Variants in TRIM2 observed in about 807,000 individuals in gnomAD.
The protein encoded by TRIM2 is tripartite motif containing 2.
TRIM2 carries 20 observed loss-of-function variants against 75.2 expected under a neutral mutation model. That is an observed-to-expected ratio of 0.27 (90% CI 0.19 to 0.39). The LOEUF (loss-of-function observed/expected upper bound fraction) is 0.39. Ranked by LOEUF, TRIM2 falls within the 10% of genes least tolerant of loss-of-function variation. The probability of loss-of-function intolerance (pLI) is 1.00; values close to 1 mark genes in which losing one functional copy is unlikely to be tolerated. For missense variants in TRIM2, 660 were observed against 990.8 expected, an observed-to-expected ratio of 0.67 and a Z score of 4.48; for synonymous variants, 373 against 388.3, an observed-to-expected ratio of 0.96 and a Z score of 0.46.
chr4:153,297,064 G>T (rs1356858450), intron 6 of TRIM2, among the ~76,000 whole-genome samples: 1 of 152,188 alleles, frequency 6.6e-6, no homozygotes, highest in Non-Finnish European at 1.5e-5. Context: ...GAGAGGGATA[G>T]ATAACAGGCA....
intron 11 of TRIM2, among the ~76,000 whole-genome samples, chr4:153,331,997 C>A (rs1327336092): frequency 6.6e-6 from 1 of 152,150 alleles, no homozygotes; most frequent in Admixed American, 6.5e-5. Context: ...TCAAAATGGA[C>A]TGTAGATTTA....
intron 1 of TRIM2, among the ~76,000 whole-genome samples, chr4:153,162,235 T>TATATAGATGATATAG (rs1729809476): frequency 6.6e-6 from 1 of 152,222 alleles, no homozygotes; most frequent in South Asian, 2.1e-4. Context: ...TACATATAGA[T>TATATAGATGATATAG]ATATAGATGA....
At chr4:153,241,435 C>A (rs1157663565) in intron 1 of TRIM2, among the ~76,000 whole-genome samples, 1 of 152,120 alleles carries the variant, frequency 6.6e-6, no homozygotes, top group Non-Finnish European at 1.5e-5. Context: ...GGTTTGTGGG[C>A]GAGACACCTC....
chr4:153,336,503 A>G lies in TRIM2; in HGVS notation c.*1537A>G, dbSNP rs1226976481. On this transcript the variant is annotated 3_prime_UTR_variant, in exon 12 of 12. Transcript: ENST00000338700. ...ATCGTTCATCTGTCATTGGTACTGT[A>G]AAATAAGCTGTGGTCTATTTCCACT... 8 of 985,742 alleles carry G rather than the reference A, an allele frequency of 8.1e-6. No homozygotes were observed. The allele number at this position is 985,742 out of a possible 1,614,324, so 61.1% of individuals were successfully genotyped here.
intron 1 of TRIM2, among the ~76,000 whole-genome samples, chr4:153,244,144 G>GTTCTTGTTCTTCTTCTTC (rs1553972523): frequency 7.7e-6 from 1 of 130,092 alleles, no homozygotes; most frequent in Non-Finnish European, 1.6e-5. Context: ...TCTTCTTCTT[G>GTTCTTGTTCTTCTTCTTC]TTCTTCTTGT....
At chr4:153,172,006 T>C (rs969346670) in intron 1 of TRIM2, among the ~76,000 whole-genome samples, 5 of 152,124 alleles carry the variant, frequency 3.3e-5, no homozygotes, top group African/African-American at 1.2e-4. Flanking sequence ...ACCTAGACCA[T>C]ATTCAAATTG....
In TRIM2 at chr4:153,337,006, C is replaced by T; in HGVS notation, c.*2040C>T. ...GAGTACCTACTAGGTACCAAGTACT[C>T]TTTTAGGCACTGGAAATACAGTGAT... On this transcript the variant is annotated 3_prime_UTR_variant, in exon 12 of 12. Transcript: ENST00000338700. 1 of 981,046 alleles carries T rather than the reference C, an allele frequency of 1.0e-6. No homozygotes were observed. The highest frequency in any genetic ancestry group is 1.2e-6 in the Non-Finnish European group (1 of 826,056). 60.8% of individuals were successfully genotyped at this position (981,046 alleles called of 1,614,324 possible).
chr4:153,207,630 T>C (rs553544527), intron 1 of TRIM2, among the ~76,000 whole-genome samples: 1 of 152,284 alleles, frequency 6.6e-6, no homozygotes, highest in South Asian at 2.1e-4. Context: ...CTAAATACCA[T>C]CTAAGTTTAC....
At chr4:153,181,830 T>C (rs1732092739) in intron 1 of TRIM2, among the ~76,000 whole-genome samples, 1 of 151,992 alleles carries the variant, frequency 6.6e-6, no homozygotes, top group African/African-American at 2.4e-5. Flanking sequence ...AGCTCATGTC[T>C]CCCCAGATGA....
upstream of TRIM2, among the ~76,000 whole-genome samples, chr4:153,200,086 C>T (rs550497156): frequency 5.3e-5 from 8 of 151,978 alleles, no homozygotes; most frequent in Non-Finnish European, 1.2e-4. Flanking sequence ...GGATTACAGG[C>T]ACCGCCACCA....
intron 3 of TRIM2, among the ~76,000 whole-genome samples, chr4:153,287,276 G>C (rs1760860668): frequency 6.6e-6 from 1 of 152,020 alleles, no homozygotes; most frequent in Admixed American, 6.6e-5. Flanking sequence ...CACCATATCT[G>C]GGCCATCCTG....
intron 1 of TRIM2, among the ~76,000 whole-genome samples, chr4:153,264,201 C>G (rs1754325634): frequency 6.6e-6 from 1 of 152,126 alleles, no homozygotes; most frequent in South Asian, 2.1e-4. Context: ...GACAGGGAAC[C>G]TCAGCTAGTC....
Position 153,295,919 on chromosome 4 carries a change from G to T in TRIM2, c.1393G>T (p.Val465Phe). The T allele has an allele frequency of 6.2e-7, 1 of 1,608,764 alleles. No homozygotes were observed. Residue 465 changes from valine (V) to phenylalanine (F), a missense_variant, in exon 6 of 12, where the codon GTT becomes TTT. Val to Phe is a conservative substitution (Grantham distance 50, BLOSUM62 -1). Coordinates refer to ENST00000338700, the MANE Select transcript of TRIM2 (RefSeq NM_015271.5). This position sits in a 1 kb window ranked among gnomAD's most constrained non-coding sequence, Gnocchi z 7.2. The stretch of plus-strand genomic sequence containing the variant: ...CACCACAGAAGGCGTGAAGAGGCGC[G>T]TTAAGTCCCCGGGGAGCGGCCACGT... The part of the protein sequence containing the change: ...SPTTEGVKRR[V>F]KSPGSGHVKQ...
At chr4:153,178,879 CTT>C (rs1411337821) in intron 1 of TRIM2, among the ~76,000 whole-genome samples, 1 of 152,192 alleles carries the variant, frequency 6.6e-6, no homozygotes, top group Non-Finnish European at 1.5e-5. Context: ...ATTTACTTCT[CTT>C]CAAGTAAAAG....
At chr4:153,244,414 CTTCTTCT>C (rs1560875443) in intron 1 of TRIM2, among the ~76,000 whole-genome samples, 8 of 97,382 alleles carry the variant, frequency 8.2e-5, no homozygotes, top group Non-Finnish European at 1.4e-4. Flanking sequence ...TCTTCTTCTT[CTTCTTCT>C]TCTTCTTCTT....
At chr4:153,262,933 A>G (rs900898075) in intron 1 of TRIM2, among the ~76,000 whole-genome samples, 1 of 152,204 alleles carries the variant, frequency 6.6e-6, no homozygotes, top group Non-Finnish European at 1.5e-5. Flanking sequence ...AGGCGCTTTC[A>G]TGTACTCAAT....
intron 1 of TRIM2, among the ~76,000 whole-genome samples, chr4:153,174,143 C>T (rs1334200600): frequency 2.4e-5 from 1 of 41,062 alleles, no homozygotes; most frequent in East Asian, 7.6e-4. Context: ...AGTGGAAACC[C>T]TTGCATTGCC....
chr4:153,193,082 T>C (rs977676300), intron 1 of TRIM2, among the ~76,000 whole-genome samples: 1 of 152,102 alleles, frequency 6.6e-6, no homozygotes, highest in Admixed American at 6.6e-5. Context: ...TCCTCATCTC[T>C]TAGGAGCATG....
intron 5 of TRIM2, among the ~76,000 whole-genome samples, chr4:153,294,698 A>G (rs1762442429): frequency 6.6e-6 from 1 of 152,222 alleles, no homozygotes; most frequent in Admixed American, 6.5e-5. Flanking sequence ...TAATTTGACA[A>G]GAGGCAAGGT....
Sources: allele counts gnomAD v4.1 joint callset (sites outside exome capture counted in the v4.1 genomes callset), GRCh38; gene constraint gnomAD v4.1.1; non-coding constraint Gnocchi (gnomAD v3.1); transcripts MANE v1.5; gene names NCBI Gene and HGNC (gene_info 2026-07-23, HGNC 2026-07-21).